PSMG4: variants seen among roughly 807,000 people sequenced by gnomAD.
PSMG4 encodes the protein proteasome assembly chaperone 4.
Under a neutral mutation model 11.0 loss-of-function variants are expected in PSMG4, and 10 were observed. That is an observed-to-expected ratio of 0.91 (90% confidence interval 0.56 to 1.54). The LOEUF is 1.54. Among genes scored for constraint, PSMG4 ranks in the 40% most tolerant of loss-of-function variants. The probability of loss-of-function intolerance (pLI) is 0.00; values close to 1 mark genes in which losing one functional copy is unlikely to be tolerated. For synonymous variants in PSMG4, 95 were observed against 71.3 expected (o/e 1.33, Z -1.68); for missense variants, 198 against 160.9 (o/e 1.23, Z -1.25).
chr6:3,255,272 C>A, upstream of PSMG4: 1 of 1,543,066 alleles, frequency 6.5e-7, no homozygotes, highest in Non-Finnish European at 8.8e-7. Context: ...CCACGGCTGT[C>A]TTACGGGTCT....
chr6:3,258,037 T>C (rs185049232), upstream of PSMG4, among the ~76,000 whole-genome samples: 303 of 151,410 alleles, frequency 2.0e-3, no homozygotes, highest in Non-Finnish European at 3.3e-3. Flanking sequence ...GTTAAATCTC[T>C]AAAGTCAGTT....
chr6:3,263,579 C>A, intron 1 of PSMG4, 105 bp from the exon 2 acceptor site: 2 of 997,146 alleles, frequency 2.0e-6, no homozygotes, highest in Non-Finnish European at 2.9e-6. Context: ...CCTCTCTGAA[C>A]CTGCCACTGC....
At chr6:3,255,501 G>A (rs1757731386), upstream of PSMG4, among the ~76,000 whole-genome samples, 1 of 152,084 alleles carries the variant, frequency 6.6e-6, no homozygotes, top group African/African-American at 2.4e-5. Context: ...TAAACTGCCT[G>A]GCCAGGTCAT....
At chr6:3,255,044 T>C (rs188863681), upstream of PSMG4, 145 of 1,550,440 alleles carry the variant, frequency 9.4e-5, no homozygotes, top group East Asian at 3.3e-3. Flanking sequence ...TCTGATTCTC[T>C]GGACAGGAAC....
chr6:3,255,803 G>A (rs966088636), upstream of PSMG4, among the ~76,000 whole-genome samples: 1 of 152,220 alleles, frequency 6.6e-6, no homozygotes, highest in Non-Finnish European at 1.5e-5. Flanking sequence ...TTTTCAGACA[G>A]GGCAGAGATT....
chr6:3,255,018 T>C (rs1360283246), upstream of PSMG4: 2 of 1,547,364 alleles, frequency 1.3e-6, no homozygotes, highest in Non-Finnish European at 1.7e-6. Context: ...GTGGGAGCGC[T>C]GGGATAATGG....
chr6:3,262,792 G>GGTTT (rs10622830), intron 1 of PSMG4, among the ~76,000 whole-genome samples: 12,607 of 141,692 alleles, frequency 0.089, 799 homozygotes, highest in Non-Finnish European at 0.13. Context: ...ACCAATAAGT[G>GGTTT]TTTTTTTTTT....
At chr6:3,265,019 G>A (rs1758128607) in intron 2 of PSMG4, 2 of 152,238 alleles carry the variant, frequency 1.3e-5, no homozygotes, top group South Asian at 2.1e-4. Flanking sequence ...AGAAGGTGGT[G>A]TGAGCTTGTC....
At chr6:3,263,535 C>T (rs907130097) in intron 1 of PSMG4, 149 bp from the exon 2 acceptor site, 85 of 627,330 alleles carry the variant, frequency 1.4e-4, no homozygotes, top group African/African-American at 6.5e-4. Flanking sequence ...TGTTGACGGA[C>T]GCCACCCCTC....
At chr6:3,263,029 G>A (rs781036588) in intron 1 of PSMG4, among the ~76,000 whole-genome samples, 13 of 152,146 alleles carry the variant, frequency 8.5e-5, no homozygotes, top group Non-Finnish European at 1.8e-4. Context: ...CCACATCGCC[G>A]GAGGGCCCAT....
chr6:3,267,473 CTT>C (rs1282335630), intron 2 of PSMG4, 116 bp from the exon 3 acceptor site: 15 of 1,210,726 alleles, frequency 1.2e-5, no homozygotes, highest in Non-Finnish European at 1.6e-5. Context: ...TTAGAGCTTT[CTT>C]TTCTCCCTAC....
chr6:3,254,751 A>G (rs1581539040), upstream of PSMG4, among the ~76,000 whole-genome samples: 1 of 149,298 alleles, frequency 6.7e-6, no homozygotes, highest in Admixed American at 6.6e-5. Flanking sequence ...TGCCTCTTTT[A>G]AAAACTGTAA....
At position 3,263,695 on chromosome 6, in the gene PSMG4, C is replaced by T. The variant is rs1283639592; in HGVS notation, c.186C>T (p.Pro62=). ...VAMCSRYDSI[P]VSTSLLGDTS... The stretch of plus-strand genomic sequence containing the variant: ...TGCTTTTCTTTTAGGACTCCATCCC[C>T]GTGTCTACCTCCCTCCTTGGAGACA... The change falls in exon 2 of 3, where the codon CCC becomes CCT. Residue 62 remains proline (P), a synonymous_variant. Coordinates refer to ENST00000438998, the MANE Select transcript of PSMG4 (RefSeq NM_001128591.2). 1.3e-5 allele frequency: 20 copies of T among 1,549,004 alleles called. No homozygotes were observed. Among genetic ancestry groups the T allele is most frequent in the East Asian group, 9.8e-5 (4 of 40,812 alleles).
upstream of PSMG4, among the ~76,000 whole-genome samples, chr6:3,257,731 G>A (rs532560847): frequency 2.6e-5 from 4 of 151,972 alleles, no homozygotes; most frequent in Admixed American, 2.0e-4. Flanking sequence ...AGTGGTTGGG[G>A]GCAGGAGTCA....
At chr6:3,262,583 T>C (rs1193177489) in intron 1 of PSMG4, among the ~76,000 whole-genome samples, 1 of 139,192 alleles carries the variant, frequency 7.2e-6, no homozygotes, top group East Asian at 2.1e-4. Context: ...GTCTCTGCCC[T>C]GCCATACTGT....
At chr6:3,254,497 T>TA (rs1757668061), upstream of PSMG4, among the ~76,000 whole-genome samples, 1 of 152,026 alleles carries the variant, frequency 6.6e-6, no homozygotes, top group African/African-American at 2.4e-5. Flanking sequence ...TGGTGGTTTT[T>TA]TGTGTATGTG....
chr6:3,260,530 G>T (rs1340224099), intron 1 of PSMG4, among the ~76,000 whole-genome samples: 1 of 151,838 alleles, frequency 6.6e-6, no homozygotes, highest in African/African-American at 2.4e-5. Flanking sequence ...CTCGTGATCC[G>T]CCTGCCTCGG....
upstream of PSMG4, among the ~76,000 whole-genome samples, chr6:3,255,389 A>G (rs563532116): frequency 6.6e-6 from 1 of 152,294 alleles, no homozygotes; most frequent in Non-Finnish European, 1.5e-5. Flanking sequence ...TTGTTGAGTG[A>G]TAACATGACA....
chr6:3,264,411 C>A, intron 2 of PSMG4: 1 of 1,490,356 alleles, frequency 6.7e-7, no homozygotes, highest in Non-Finnish European at 8.9e-7. Context: ...CCAGGCCTGG[C>A]GTTCTCCAGT....
Sources: allele counts gnomAD v4.1 joint callset (sites outside exome capture counted in the v4.1 genomes callset), GRCh38; gene constraint gnomAD v4.1.1; transcripts MANE v1.5; gene names NCBI Gene and HGNC (gene_info 2026-07-23, HGNC 2026-07-21).